The following GLRX3 variants were observed in gnomAD, a reference collection of about 807,000 sequenced individuals.
The protein encoded by GLRX3 is glutaredoxin 3, also known as glutaredoxin-3.
In GLRX3, 22 loss-of-function variants were observed where a neutral mutation model predicts 49.5. That is an observed-to-expected ratio of 0.44 (90% CI 0.32 to 0.63). The LOEUF is 0.63. Among genes scored for constraint, GLRX3 ranks in the 30% least tolerant of loss-of-function variants. The pLI is 0.05. For missense variants in GLRX3, 385 were observed against 396.3 expected, an observed-to-expected ratio of 0.97 and a Z score of 0.24; for synonymous variants, 133 against 140.0, an observed-to-expected ratio of 0.95 and a Z score of 0.35.
downstream of GLRX3, chr10:130,180,335 A>G (rs1240308082): frequency 6.6e-6 from 1 of 152,122 alleles, no homozygotes; most frequent in Non-Finnish European, 1.5e-5. Context: ...GGACCACCAC[A>G]CTTGGTCCAC....
intron 10 of GLRX3, among the ~76,000 whole-genome samples, chr10:130,178,357 C>G (rs948730993): frequency 6.6e-6 from 1 of 152,000 alleles, no homozygotes; most frequent in Admixed American, 6.6e-5. Flanking sequence ...TGGGTTCAAG[C>G]AATTTTCATG....
intron 2 of GLRX3, among the ~76,000 whole-genome samples, chr10:130,151,581 CT>C (rs1459880878): frequency 6.6e-6 from 1 of 151,594 alleles, no homozygotes; most frequent in Non-Finnish European, 1.5e-5. Flanking sequence ...TCCATGTGTT[CT>C]CATTGTTCAG....
intron 10 of GLRX3, 29 bp from the exon 11 acceptor site, chr10:130,179,313 A>G (rs757256795): frequency 9.7e-7 from 1 of 1,032,788 alleles, no homozygotes; most frequent in Non-Finnish European, 1.5e-6. Context: ...ATGCATATAC[A>G]TATTATTATT....
At chr10:130,165,253 G>A (rs1179971142) in intron 4 of GLRX3, among the ~76,000 whole-genome samples, 2 of 152,134 alleles carry the variant, frequency 1.3e-5, no homozygotes, top group Non-Finnish European at 2.9e-5. Flanking sequence ...AGAATGAGGC[G>A]TGAAAGAGTA....
chr10:130,145,945 C>T (rs1312542163), intron 2 of GLRX3, among the ~76,000 whole-genome samples: 2 of 152,140 alleles, frequency 1.3e-5, no homozygotes, highest in East Asian at 3.9e-4. Flanking sequence ...AGGCACATGC[C>T]ACCACACCCA....
At position 130,140,533 on chromosome 10, in the gene GLRX3, T is replaced by G. The variant is rs990406249; in HGVS notation, c.92+4021T>G. Among the ~76,000 whole-genome samples the G allele has an allele frequency of 3.3e-5, 5 of 152,338 alleles. No homozygotes were observed. The South Asian group carries it at 1.0e-3, about 32-fold the overall frequency. On this transcript the variant is annotated intron_variant, in intron 1 of 10. Transcript: ENST00000331244. Reference sequence around the variant, plus strand: ...ATCATGTTTTAATGTTTTCAAATGTTTTATATTTTTGTTTCATCTTCTCAA... The same window carrying G: ...ATCATGTTTTAATGTTTTCAAATGTGTTATATTTTTGTTTCATCTTCTCAA...
rs1862249539 is a variant in GLRX3 at position 130,145,251 on chromosome 10, C to A, written c.133C>A (p.Gln45Lys). ...VVHFWAPWAP[Q>K]CAQMNEVMAE... is the part of the protein sequence containing the mutation. Reference sequence around the variant, plus strand: ...CCATTTCTGGGCACCATGGGCTCCACAGTGTGCACAGATGAACGAAGTTAT... The same window carrying A: ...CCATTTCTGGGCACCATGGGCTCCAAAGTGTGCACAGATGAACGAAGTTAT... Residue 45 changes from glutamine to lysine, a missense_variant, in exon 2 of 11, where the codon CAG becomes AAG. This residue lies in a region of GLRX3 where 374 missense variants were observed against 358.6 expected (regional missense o/e 1.04). Transcript: ENST00000331244. The A allele has an allele frequency of 6.4e-7, 1 of 1,567,022 alleles. No individual in the cohort carries two copies. The highest frequency in any genetic ancestry group is 8.8e-7 in the Non-Finnish European group (1 of 1,139,526).
chr10:130,160,998 G>A lies in GLRX3; in HGVS notation c.478+1G>A. The A allele has an allele frequency of 6.2e-7, 1 of 1,607,402 alleles. No homozygotes were observed. Among genetic ancestry groups the A allele is most frequent in the Non-Finnish European group, 8.5e-7 (1 of 1,175,166 alleles). On this transcript the variant is annotated splice_donor_variant, in intron 4 of 10. Coordinates refer to ENST00000331244, the MANE Select transcript of GLRX3 (RefSeq NM_006541.5). LOFTEE classifies it high-confidence loss of function. ...GGAACTCCTCAAGAACCACGCTGTG[G>A]TAAGAAGCTGCCTTTAACATAATAT...
At chr10:130,168,079 A>T (rs1590070951) in intron 6 of GLRX3, among the ~76,000 whole-genome samples, 2 of 152,108 alleles carry the variant, frequency 1.3e-5, no homozygotes, top group Admixed American at 1.3e-4. Flanking sequence ...TCTCCATCAG[A>T]CCTCCGTTTC....
intron 2 of GLRX3, among the ~76,000 whole-genome samples, chr10:130,154,076 A>G (rs760962503): frequency 2.0e-5 from 3 of 152,212 alleles, no homozygotes; most frequent in Non-Finnish European, 4.4e-5. Context: ...TCAGTGTCCT[A>G]GGTCGATCTC....
rs143132310 is a variant in GLRX3, at chr10:130,176,163, C to T, written c.957+1074C>T. ...TTTGAGAGAGTTTCGCTCTTGTTCCCCACTGGAGTGCAATGGTGCAATCTC... is the reference window on the plus strand; with the variant it reads ...TTTGAGAGAGTTTCGCTCTTGTTCCTCACTGGAGTGCAATGGTGCAATCTC... On this transcript the variant is annotated intron_variant, in intron 10 of 10. Transcript: ENST00000331244. 8.4e-3 allele frequency among the ~76,000 whole-genome samples: 1,265 copies of T among 151,170 alleles called. 10 individuals carry two copies. Among genetic ancestry groups the T allele is most frequent in the Non-Finnish European group, 0.01 (711 of 67,888 alleles).
chr10:130,160,610 C>T (rs889761997), intron 3 of GLRX3, among the ~76,000 whole-genome samples, 186 bp from the exon 4 acceptor site: 1 of 152,082 alleles, frequency 6.6e-6, no homozygotes, highest in African/African-American at 2.4e-5. Flanking sequence ...AGTGTTTTCT[C>T]AGTGTGTTTC....
intron 2 of GLRX3, among the ~76,000 whole-genome samples, chr10:130,154,146 C>T (rs1217720539): frequency 1.3e-5 from 2 of 152,190 alleles, no homozygotes; most frequent in Admixed American, 6.5e-5. Flanking sequence ...GAGCCAGGCA[C>T]GGGAGGGAAT....
At chr10:130,166,878 A>T (rs369013678) in intron 5 of GLRX3, 41 bp from the exon 6 acceptor site, 4 of 1,265,984 alleles carry the variant, frequency 3.2e-6, no homozygotes, top group South Asian at 2.5e-5. Flanking sequence ...TTTATGTTAT[A>T]ATAATTTTTT....
At chr10:130,170,331 A>G (rs1180902028) in intron 7 of GLRX3, among the ~76,000 whole-genome samples, 1 of 152,128 alleles carries the variant, frequency 6.6e-6, no homozygotes, top group African/African-American at 2.4e-5. Flanking sequence ...GACATGGAGA[A>G]CCACTTTGCT....
rs1031576747 is a variant in GLRX3, at chr10:130,172,002, C to T, written c.824+366C>T. Among the ~76,000 whole-genome samples, 5 of 152,254 alleles carry T rather than the reference C, an allele frequency of 3.3e-5. No individual in the cohort carries two copies. The South Asian group carries it at 1.0e-3, about 32-fold the overall frequency. On this transcript the variant is annotated intron_variant, in intron 8 of 10. Coordinates refer to ENST00000331244, the MANE Select transcript of GLRX3 (RefSeq NM_006541.5). ...AAAATATTTCAACTTTTCAGTTCTG[C>T]CACTGATACTTTTCAGTTGTAATGT...
rs1472681039 is a variant in GLRX3 at position 130,177,641 on chromosome 10, C to T, written c.958-1701C>T. ...CACCTGAGGGCCACCTGCCCTTGCC[C>T]ACTCAGCTGCGTGGTCCTCTCCGTG... is the stretch of plus-strand genomic sequence containing the variant. On this transcript the variant is annotated intron_variant, in intron 10 of 10. Coordinates refer to ENST00000331244, the MANE Select transcript of GLRX3 (RefSeq NM_006541.5). Among the ~76,000 whole-genome samples the T allele has an allele frequency of 2.6e-5, 4 of 152,184 alleles. No homozygotes were observed. In the South Asian group the frequency reaches 6.2e-4, roughly 24 times the overall value.
intron 2 of GLRX3, 41 bp downstream of exon 2, chr10:130,145,360 C>A: frequency 1.0e-6 from 1 of 956,676 alleles, no homozygotes; most frequent in South Asian, 1.3e-5. Context: ...GAATTTAATT[C>A]TGATTTATGG....
At chr10:130,163,193 GGT>G (rs1171458602) in intron 4 of GLRX3, among the ~76,000 whole-genome samples, 2 of 152,200 alleles carry the variant, frequency 1.3e-5, no homozygotes, top group Non-Finnish European at 2.9e-5. Context: ...GGGAGGCTGA[GGT>G]GGGCGGATCG....
Sources: gnomAD v4.1 joint callset for allele counts (sites outside exome capture counted in the v4.1 genomes callset) on GRCh38, gnomAD v4.1.1 for gene constraint, gnomAD v4.1.1 regional missense constraint, MANE v1.5 for transcripts, NCBI Gene and HGNC (gene_info 2026-07-23, HGNC 2026-07-21) for gene names.